The following FAM13A variants were observed in gnomAD, a reference collection of about 807,000 sequenced individuals.
FAM13A encodes protein FAM13A.
Under a neutral mutation model 129.6 loss-of-function variants are expected in FAM13A, and 76 were observed. The observed-to-expected ratio is 0.59, with a 90% CI of 0.49 to 0.71. FAM13A has a LOEUF of 0.71. FAM13A is among the 30% of genes least tolerant of loss of function. The pLI is 0.00. For missense variants in FAM13A, 1,108 were observed against 1,249.3 expected (o/e 0.89, Z 1.70); for synonymous variants, 443 against 449.9 (o/e 0.98, Z 0.20).
chr4:88,824,721 T>TTTATTTAC (rs752037737), intron 7 of FAM13A, among the ~76,000 whole-genome samples: 2 of 151,938 alleles, frequency 1.3e-5, no homozygotes, highest in Admixed American at 1.3e-4. Context: ...TATTTATTTA[T>TTTATTTAC]TTTTGAGATG....
chr4:89,008,509 G>C lies in FAM13A; in HGVS notation c.427+11951C>G, dbSNP rs1174975381. Among the ~76,000 whole-genome samples, 3 of 152,196 alleles carry C rather than the reference G, an allele frequency of 2.0e-5. No homozygotes were observed. The East Asian group carries it at 5.8e-4, about 29-fold the overall frequency. ...AGCCACCAGAACTGTGAGAAAATAA[G>C]TTTCTGTTGTTTTAGCCACCCAGTC... On this transcript the variant is annotated intron_variant, in intron 3 of 23. Coordinates refer to ENST00000264344, the MANE Select transcript of FAM13A (RefSeq NM_014883.4).
chr4:88,765,916 G>A (rs1745643717), intron 13 of FAM13A, among the ~76,000 whole-genome samples: 1 of 152,208 alleles, frequency 6.6e-6, no homozygotes, highest in Admixed American at 6.5e-5. Context: ...ACACACAGAA[G>A]AAGAGGACTT....
At chr4:89,031,323 T>C (rs1373812935) in intron 1 of FAM13A, among the ~76,000 whole-genome samples, 1 of 152,174 alleles carries the variant, frequency 6.6e-6, no homozygotes, top group Non-Finnish European at 1.5e-5. Context: ...TTAAATTATA[T>C]AAATTTTATC....
At chr4:88,900,215 T>G (rs1747062256) in intron 6 of FAM13A, among the ~76,000 whole-genome samples, 1 of 151,976 alleles carries the variant, frequency 6.6e-6, no homozygotes, top group South Asian at 2.1e-4. Context: ...ATACTTCATA[T>G]GCTGAAAAAC....
chr4:88,758,775 A>T lies in FAM13A; in HGVS notation c.1705T>A (p.Cys569Ser). 1 of 1,613,642 alleles carries T rather than the reference A, an allele frequency of 6.2e-7. No individual in the cohort carries two copies. The highest frequency in any genetic ancestry group is 8.5e-7 in the Non-Finnish European group (1 of 1,179,788). The stretch of plus-strand genomic sequence containing the variant: ...CTACCTTCCCAGTTCTTTTCATCAC[A>T]CAATGCAGTCAGGTCCGACTGGGGC... ...EVPQSDLTAL[C>S]DEKNWEEPIP... Residue 569 changes from cysteine to serine, a missense_variant, in exon 14 of 24, where the codon TGT becomes AGT. Transcript: ENST00000264344.
At chr4:89,001,671 T>A (rs1764263273) in intron 3 of FAM13A, among the ~76,000 whole-genome samples, 1 of 152,142 alleles carries the variant, frequency 6.6e-6, no homozygotes, top group Non-Finnish European at 1.5e-5. Flanking sequence ...TTTATTCATG[T>A]GGTACTGTAA....
chr4:88,785,512 G>GGA, intron 10 of FAM13A, among the ~76,000 whole-genome samples: 1 of 152,220 alleles, frequency 6.6e-6, no homozygotes. Context: ...AGACCAAAGA[G>GGA]GAGATGCTGA....
chr4:88,905,059 CTA>C (rs1239875986), intron 6 of FAM13A, among the ~76,000 whole-genome samples: 27 of 152,082 alleles, frequency 1.8e-4, no homozygotes, highest in African/African-American at 3.9e-4. Context: ...TCATGCATTT[CTA>C]TTATGCTTAG....
At chr4:89,054,733 A>G (rs112507108) in intron 1 of FAM13A, among the ~76,000 whole-genome samples, 247 of 152,230 alleles carry the variant, frequency 1.6e-3, no homozygotes, top group Middle Eastern at 6.8e-3. Flanking sequence ...AAAAGCTGTC[A>G]CCATATCCAC....
chr4:88,851,354 T>A (rs557281185), intron 6 of FAM13A, among the ~76,000 whole-genome samples, 171 bp from the exon 7 acceptor site: 1 of 152,096 alleles, frequency 6.6e-6, no homozygotes, highest in East Asian at 1.9e-4. Context: ...AAAAATGATA[T>A]AGCAAAGGGC....
intron 3 of FAM13A, among the ~76,000 whole-genome samples, chr4:89,002,335 A>C (rs529934874): frequency 6.6e-6 from 1 of 152,192 alleles, no homozygotes; most frequent in African/African-American, 2.4e-5. Context: ...GCATGTGCTC[A>C]GACAGGAGTG....
chr4:89,037,111 C>T (rs1769487184), intron 1 of FAM13A, among the ~76,000 whole-genome samples: 2 of 152,188 alleles, frequency 1.3e-5, no homozygotes, highest in South Asian at 4.1e-4. Context: ...AGAGGACCAC[C>T]ATCTTCCAAG....
chr4:88,856,296 A>G (rs1738484849), intron 6 of FAM13A, among the ~76,000 whole-genome samples: 1 of 151,956 alleles, frequency 6.6e-6, no homozygotes, highest in South Asian at 2.1e-4. Flanking sequence ...CCTCAGTGAC[A>G]TAATGAGACC....
At chr4:89,028,831 G>A (rs980638226) in intron 2 of FAM13A, among the ~76,000 whole-genome samples, 1 of 150,532 alleles carries the variant, frequency 6.6e-6, no homozygotes, top group Non-Finnish European at 1.5e-5. Flanking sequence ...CCAGATTTGT[G>A]ATTTATTTTA....
intron 2 of FAM13A, among the ~76,000 whole-genome samples, chr4:89,027,060 A>G (rs770834748): frequency 1.3e-5 from 2 of 152,234 alleles, no homozygotes; most frequent in African/African-American, 2.4e-5. Context: ...CCTTACCGGC[A>G]GGGGATATGT....
At chr4:88,778,269 T>C (rs1722157325) in intron 11 of FAM13A, among the ~76,000 whole-genome samples, 1 of 152,214 alleles carries the variant, frequency 6.6e-6, no homozygotes, top group Admixed American at 6.5e-5. Flanking sequence ...ACTTAGGATA[T>C]GACTCCCAAA....
At chr4:88,734,552 C>T (rs979751894) in intron 21 of FAM13A, among the ~76,000 whole-genome samples, 2 of 152,178 alleles carry the variant, frequency 1.3e-5, no homozygotes, top group Non-Finnish European at 2.9e-5. Context: ...TGGCAATGCA[C>T]AAGTATACAG....
At chr4:88,798,754 G>A (rs966120707) in intron 8 of FAM13A, among the ~76,000 whole-genome samples, 1 of 152,156 alleles carries the variant, frequency 6.6e-6, no homozygotes, top group African/African-American at 2.4e-5. Flanking sequence ...AGAAAGCTGG[G>A]AGTACTGTAT....
intron 6 of FAM13A, among the ~76,000 whole-genome samples, chr4:88,870,084 C>A (rs569801439): frequency 1.3e-3 from 197 of 150,938 alleles, no homozygotes; most frequent in African/African-American, 4.5e-3. Flanking sequence ...TTTCTCTGTG[C>A]TTCCTTTTTC....
Sources: allele counts gnomAD v4.1 joint callset (sites outside exome capture counted in the v4.1 genomes callset), GRCh38; gene constraint gnomAD v4.1.1; transcripts MANE v1.5; gene names NCBI Gene and HGNC (gene_info 2026-07-23, HGNC 2026-07-21).